The following RAB27B variants were observed in gnomAD, a reference collection of about 807,000 sequenced individuals.
The protein encoded by RAB27B is ras-related protein Rab-27B.
Under a neutral mutation model 24.6 loss-of-function variants are expected in RAB27B, and 15 were observed. That is an observed-to-expected ratio of 0.61 (90% CI 0.41 to 0.94). The LOEUF is 0.94. RAB27B is among the 40% of genes least tolerant of loss of function. The pLI is 0.00. For missense variants in RAB27B, 261 were observed against 266.8 expected, an observed-to-expected ratio of 0.98 and a Z score of 0.15; for synonymous variants, 105 against 92.5, an observed-to-expected ratio of 1.14 and a Z score of -0.78.
chr18:54,760,710 T>C (rs1354264220), intron 2 of RAB27B, among the ~76,000 whole-genome samples: 4 of 151,946 alleles, frequency 2.6e-5, no homozygotes, highest in African/African-American at 9.7e-5. Flanking sequence ...TCAAACCAGA[T>C]CATGAAAAGG....
At chr18:54,845,609 ACCCCCTGACTG>A (rs1456083549) in intron 1 of RAB27B, among the ~76,000 whole-genome samples, 1 of 151,076 alleles carries the variant, frequency 6.6e-6, no homozygotes, top group African/African-American at 2.4e-5. Flanking sequence ...CGCTGGTTGG[ACCCCCTGACTG>A]CCCCCTGGAA....
intron 1 of RAB27B, among the ~76,000 whole-genome samples, chr18:54,839,355 A>C (rs78185480): frequency 0.034 from 5,174 of 152,278 alleles, 139 homozygotes; most frequent in Admixed American, 0.077. Flanking sequence ...ATAAGTTTTT[A>C]CATATAACTT....
At chr18:54,861,463 T>C (rs1373947989) in intron 1 of RAB27B, among the ~76,000 whole-genome samples, 1 of 152,194 alleles carries the variant, frequency 6.6e-6, no homozygotes, top group African/African-American at 2.4e-5. Flanking sequence ...AATCGTGCTG[T>C]GACTGGTGCT....
At chr18:54,804,915 T>C (rs1238043574) in intron 2 of RAB27B, among the ~76,000 whole-genome samples, 1 of 20,066 alleles carries the variant, frequency 5.0e-5, no homozygotes, top group African/African-American at 7.5e-5. Flanking sequence ...TCTTTCTTTC[T>C]TTCTTTCTTT....
chr18:54,796,476 G>A (rs973727572), intron 2 of RAB27B, among the ~76,000 whole-genome samples: 1 of 152,170 alleles, frequency 6.6e-6, no homozygotes, highest in Non-Finnish European at 1.5e-5. Flanking sequence ...GAGTGATGGA[G>A]GTGGTTCTCA....
chr18:54,824,806 A>G (rs1321330099), upstream of RAB27B, among the ~76,000 whole-genome samples: 1 of 152,036 alleles, frequency 6.6e-6, no homozygotes, highest in Non-Finnish European at 1.5e-5. Context: ...GTATCAAACA[A>G]TCTATCATTT....
At chr18:54,824,264 T>C (rs1042723776), upstream of RAB27B, among the ~76,000 whole-genome samples, 2 of 152,206 alleles carry the variant, frequency 1.3e-5, no homozygotes, top group Non-Finnish European at 2.9e-5. Flanking sequence ...TTGTTTCTCA[T>C]GGAGTTAATA....
intron 2 of RAB27B, among the ~76,000 whole-genome samples, chr18:54,732,132 A>G (rs1164003145): frequency 6.6e-6 from 1 of 152,184 alleles, no homozygotes; most frequent in African/African-American, 2.4e-5. Context: ...ATCTTGTCTC[A>G]TTCTATGTGC....
At chr18:54,832,255 A>G (rs182683629) in intron 1 of RAB27B, among the ~76,000 whole-genome samples, 11 of 152,336 alleles carry the variant, frequency 7.2e-5, no homozygotes, top group African/African-American at 2.6e-4. Context: ...ACTTGAAGGC[A>G]GAGCTGACAG....
At chr18:54,742,793 A>G (rs1910108181) in intron 2 of RAB27B, among the ~76,000 whole-genome samples, 1 of 152,186 alleles carries the variant, frequency 6.6e-6, no homozygotes. Flanking sequence ...CAGTTGCATA[A>G]CACTGTGCTT....
chr18:54,823,021 A>G (rs778096887), intron 2 of RAB27B, among the ~76,000 whole-genome samples: 1 of 152,270 alleles, frequency 6.6e-6, no homozygotes, highest in African/African-American at 2.4e-5. Flanking sequence ...GGAACTGGGA[A>G]GGTTAAGACC....
chr18:54,798,017 T>A (rs1909479500), intron 2 of RAB27B, among the ~76,000 whole-genome samples: 1 of 151,096 alleles, frequency 6.6e-6, no homozygotes. Context: ...AATATTGATA[T>A]TTTTTTTTCA....
At chr18:54,839,446 C>A (rs1911023032) in intron 1 of RAB27B, among the ~76,000 whole-genome samples, 1 of 152,084 alleles carries the variant, frequency 6.6e-6, no homozygotes, top group Non-Finnish European at 1.5e-5. Flanking sequence ...AAACATTCTC[C>A]CATTGTAGCC....
rs1334143457 is a variant in RAB27B, at chr18:54,895,006, A to G, written c.*5593A>G. On this transcript the variant is annotated 3_prime_UTR_variant, in exon 6 of 6. Coordinates refer to ENST00000262094, the MANE Select transcript of RAB27B (RefSeq NM_004163.4). ...AGGAAACCAATGAATTCTAGGTAGT[A>G]TATTACAAGTTGGTCAAAATATTCC... 6.6e-6 allele frequency: 1 copy of G among 152,090 alleles called. No homozygotes were observed. The highest frequency in any genetic ancestry group is 2.4e-5 in the African/African-American group (1 of 41,438). 9.4% of individuals were successfully genotyped at this position (152,090 alleles called of 1,614,324 possible).
intron 2 of RAB27B, among the ~76,000 whole-genome samples, chr18:54,781,710 T>C (rs1908923774): frequency 6.6e-6 from 1 of 152,198 alleles, no homozygotes; most frequent in African/African-American, 2.4e-5. Flanking sequence ...ATTTATAGCA[T>C]TGCATATAAC....
rs117770611 is a variant in RAB27B, at chr18:54,769,363, C to T, written c.-20+51222C>T. On this transcript the variant is annotated intron_variant, in intron 2 of 4. Coordinates refer to the RAB27B transcript ENST00000586570. Reference sequence around the variant, plus strand: ...TGTGTAAAATGCCATCTGATGATTACATAAGAACATCTTTTTTAAAGTATA... The same window carrying T: ...TGTGTAAAATGCCATCTGATGATTATATAAGAACATCTTTTTTAAAGTATA... Among the ~76,000 whole-genome samples, 64 of 152,228 alleles carry T rather than the reference C, an allele frequency of 4.2e-4. No homozygotes were observed. In the East Asian group the frequency reaches 0.011, roughly 27 times the overall value.
chr18:54,839,559 C>T (rs1331143776), intron 1 of RAB27B, among the ~76,000 whole-genome samples: 2 of 152,178 alleles, frequency 1.3e-5, no homozygotes, highest in East Asian at 1.9e-4. Flanking sequence ...GTTAGGTCTT[C>T]TCCAAACCAC....
chr18:54,886,687 GGTTT>G lies in RAB27B; in HGVS notation c.344-1303_344-1300del, dbSNP rs1182974969. Among the ~76,000 whole-genome samples the G allele has an allele frequency of 9.9e-5, 15 of 151,966 alleles. No individual in the cohort carries two copies. The South Asian group carries it at 2.9e-3, about 30-fold the overall frequency. On this transcript the variant is annotated intron_variant, in intron 4 of 5. Transcript: ENST00000262094. The stretch of plus-strand genomic sequence containing the variant: ...AGCTTATTAAATTCTTTCAGAGAAT[GGTTT>G]GTTTATCCTTTTTCAAGGCAGATGA...
intron 1 of RAB27B, among the ~76,000 whole-genome samples, chr18:54,873,371 G>A (rs1186681408): frequency 2.0e-5 from 3 of 152,164 alleles, no homozygotes; most frequent in African/African-American, 7.2e-5. Flanking sequence ...GTGATACCAC[G>A]ATAAAGACTA....
Sources: allele counts gnomAD v4.1 joint callset (sites outside exome capture counted in the v4.1 genomes callset), GRCh38; gene constraint gnomAD v4.1.1; transcripts MANE v1.5; gene names NCBI Gene and HGNC (gene_info 2026-07-23, HGNC 2026-07-21).